The following ST6GALNAC3 variants were observed in gnomAD, a reference collection of about 807,000 sequenced individuals.
ST6GALNAC3 encodes the protein ST6 N-acetylgalactosaminide alpha-2,6-sialyltransferase 3.
A neutral mutation model predicts 32.7 loss-of-function variants in ST6GALNAC3; 25 were observed. The observed-to-expected ratio is 0.76, with a 90% CI of 0.56 to 1.07. The LOEUF is 1.07. Among genes scored for constraint, ST6GALNAC3 ranks in the 50% least tolerant of loss-of-function variants. ST6GALNAC3 has a pLI of 0.00. For missense variants in ST6GALNAC3, 355 were observed against 382.4 expected (o/e 0.93, Z 0.60); for synonymous variants, 129 against 133.1 (o/e 0.97, Z 0.21).
chr1:76,612,804 G>A (rs1570447296), intron 3 of ST6GALNAC3, among the ~76,000 whole-genome samples: 1 of 152,172 alleles, frequency 6.6e-6, no homozygotes, highest in East Asian at 1.9e-4. Context: ...TCTCTGGTCA[G>A]GGCTACTTAA....
intron 2 of ST6GALNAC3, among the ~76,000 whole-genome samples, chr1:76,402,959 T>A (rs929836108): frequency 6.6e-6 from 1 of 152,028 alleles, no homozygotes; most frequent in Non-Finnish European, 1.5e-5. Context: ...GTCCTTCTCT[T>A]GTATCGTCAA....
intron 1 of ST6GALNAC3, among the ~76,000 whole-genome samples, chr1:76,257,618 G>C (rs1225074170): frequency 6.6e-6 from 1 of 152,078 alleles, no homozygotes; most frequent in East Asian, 1.9e-4. Flanking sequence ...GTGTATCCCA[G>C]TAAATCTCTT....
At chr1:76,212,307 A>G (rs759024781) in intron 1 of ST6GALNAC3, among the ~76,000 whole-genome samples, 3 of 152,144 alleles carry the variant, frequency 2.0e-5, no homozygotes, top group African/African-American at 4.8e-5. Context: ...ACGCTTCCAG[A>G]CAATCTCATT....
chr1:76,124,589 T>A (rs555161246), intron 1 of ST6GALNAC3, among the ~76,000 whole-genome samples: 3 of 152,334 alleles, frequency 2.0e-5, no homozygotes, highest in African/African-American at 7.2e-5. Flanking sequence ...TCATCTGCTC[T>A]ACTCTTCAGC....
At chr1:76,407,109 T>C (rs977265200) in intron 2 of ST6GALNAC3, among the ~76,000 whole-genome samples, 3 of 151,978 alleles carry the variant, frequency 2.0e-5, no homozygotes, top group African/African-American at 7.2e-5. Flanking sequence ...TGGCAAAATG[T>C]CGAGATTCAT....
At chr1:76,518,333 A>G (rs199597801) in intron 3 of ST6GALNAC3, among the ~76,000 whole-genome samples, 2 of 152,088 alleles carry the variant, frequency 1.3e-5, no homozygotes, top group East Asian at 3.8e-4. Flanking sequence ...AGTAAAGAGA[A>G]TGTAGCTAAA....
At chr1:76,541,907 A>G (rs763443339) in intron 3 of ST6GALNAC3, among the ~76,000 whole-genome samples, 5 of 152,200 alleles carry the variant, frequency 3.3e-5, no homozygotes, top group African/African-American at 1.2e-4. Flanking sequence ...ACAAGTTTTC[A>G]GCTACAGATT....
chr1:76,400,999 CTT>C (rs1459180705), intron 2 of ST6GALNAC3, among the ~76,000 whole-genome samples: 1 of 151,568 alleles, frequency 6.6e-6, no homozygotes, highest in Non-Finnish European at 1.5e-5. Context: ...AAAATTTCCT[CTT>C]TGTTTTTGTA....
rs138297179 is a variant in ST6GALNAC3, at chr1:76,148,801, C to T, written c.18+73917C>T. ...GACCCTTTCTAATACAGCTTTTCCA[C>T]GTATTCATGTATCACCACCTGAAAC... On this transcript the variant is annotated intron_variant, in intron 1 of 4. Coordinates refer to ENST00000328299, the MANE Select transcript of ST6GALNAC3 (RefSeq NM_152996.4). Among the ~76,000 whole-genome samples, 697 of 152,284 alleles carry T rather than the reference C, an allele frequency of 4.6e-3. 5 individuals are homozygous for T. Among genetic ancestry groups the T allele is most frequent in the South Asian group, 0.025 (122 of 4,822 alleles).
At chr1:76,435,495 C>T (rs1269780864) in intron 3 of ST6GALNAC3, among the ~76,000 whole-genome samples, 2 of 152,060 alleles carry the variant, frequency 1.3e-5, no homozygotes, top group Non-Finnish European at 1.5e-5. Context: ...ACTTGATATT[C>T]CTGTATTTGG....
At chr1:76,496,649 A>T (rs970284445) in intron 3 of ST6GALNAC3, among the ~76,000 whole-genome samples, 5 of 152,086 alleles carry the variant, frequency 3.3e-5, no homozygotes, top group African/African-American at 1.2e-4. Flanking sequence ...CAACCCCAAG[A>T]GAGGACACCC....
At chr1:76,219,763 A>G (rs1425917318) in intron 1 of ST6GALNAC3, among the ~76,000 whole-genome samples, 1 of 152,170 alleles carries the variant, frequency 6.6e-6, no homozygotes, top group East Asian at 1.9e-4. Flanking sequence ...GTCTGTAACT[A>G]AATCAAATTC....
intron 2 of ST6GALNAC3, among the ~76,000 whole-genome samples, chr1:76,411,129 G>A (rs1483994801): frequency 1.3e-5 from 2 of 152,100 alleles, no homozygotes; most frequent in Admixed American, 1.3e-4. Flanking sequence ...GAGAGAAGCA[G>A]CAAAAGCAAT....
chr1:76,180,358 A>T (rs1032956454), intron 1 of ST6GALNAC3, among the ~76,000 whole-genome samples: 2 of 152,164 alleles, frequency 1.3e-5, no homozygotes, highest in Non-Finnish European at 2.9e-5. Context: ...CTTCCCAACT[A>T]AAGTGTGAGA....
intron 3 of ST6GALNAC3, among the ~76,000 whole-genome samples, chr1:76,522,159 C>A (rs1362154244): frequency 6.7e-6 from 1 of 149,676 alleles, no homozygotes; most frequent in Non-Finnish European, 1.5e-5. Context: ...CAGCTGTAAT[C>A]TTATTTCTGC....
At chr1:76,232,832 A>C (rs1025344108) in intron 1 of ST6GALNAC3, among the ~76,000 whole-genome samples, 6 of 152,244 alleles carry the variant, frequency 3.9e-5, no homozygotes, top group Non-Finnish European at 5.9e-5. Context: ...CCGGTCAAGT[A>C]GAGATAGACC....
At chr1:76,531,122 G>C (rs1663225812) in intron 3 of ST6GALNAC3, among the ~76,000 whole-genome samples, 1 of 152,204 alleles carries the variant, frequency 6.6e-6, no homozygotes, top group Non-Finnish European at 1.5e-5. Context: ...TACCCAGCAA[G>C]GGGTGAGAAG....
chr1:76,164,149 C>T (rs936397909), intron 1 of ST6GALNAC3, among the ~76,000 whole-genome samples: 3 of 152,156 alleles, frequency 2.0e-5, no homozygotes, highest in South Asian at 2.1e-4. Flanking sequence ...GTTAAGTGGG[C>T]TCTGTGATAC....
intron 1 of ST6GALNAC3, chr1:76,305,969 A>C: frequency 1.9e-6 from 1 of 516,542 alleles, no homozygotes; most frequent in Non-Finnish European, 3.9e-6. Flanking sequence ...ATTCATACTA[A>C]TGGGAACATT....
Sources: allele counts gnomAD v4.1 joint callset (sites outside exome capture counted in the v4.1 genomes callset), GRCh38; gene constraint gnomAD v4.1.1; transcripts MANE v1.5; gene names NCBI Gene and HGNC (gene_info 2026-07-23, HGNC 2026-07-21).